The following C8orf89 variants were observed in gnomAD, a reference collection of about 807,000 sequenced individuals.
C8orf89 encodes putative uncharacterized protein C8orf89.
In C8orf89, 14 loss-of-function variants were observed where a neutral mutation model predicts 15.8. That is an observed-to-expected ratio of 0.89 (90% confidence interval 0.59 to 1.39). C8orf89 has a LOEUF of 1.39. Ranked by LOEUF, C8orf89 falls within the 40% of genes most tolerant of loss-of-function variation. The probability of loss-of-function intolerance (pLI) is 0.00; values close to 1 mark genes in which losing one functional copy is unlikely to be tolerated. For synonymous variants in C8orf89, 55 were observed against 62.2 expected, an observed-to-expected ratio of 0.88 and a Z score of 0.54; for missense variants, 181 against 184.5, an observed-to-expected ratio of 0.98 and a Z score of 0.11.
intron 1 of C8orf89, among the ~76,000 whole-genome samples, chr8:73,258,100 G>C (rs1035201776): frequency 1.3e-5 from 2 of 152,148 alleles, no homozygotes; most frequent in Non-Finnish European, 2.9e-5. Flanking sequence ...TCATTGAGTA[G>C]TTTGCATTTT....
At chr8:73,243,467 C>T (rs116338388) in intron 3 of C8orf89, among the ~76,000 whole-genome samples, 36 of 152,104 alleles carry the variant, frequency 2.4e-4, no homozygotes, top group African/African-American at 8.4e-4. Flanking sequence ...TAAAAAAACA[C>T]GACTAGTTTT....
chr8:73,248,191 T>C (rs1200025671), intron 3 of C8orf89, among the ~76,000 whole-genome samples: 1 of 152,216 alleles, frequency 6.6e-6, no homozygotes, highest in East Asian at 1.9e-4. Flanking sequence ...ATTTATTGAA[T>C]AGGGAGAACT....
chr8:73,273,100 G>T, the C8orf89 span, among the ~76,000 whole-genome samples: 6 of 152,178 alleles, frequency 3.9e-5, no homozygotes, highest in East Asian at 1.2e-3. Context: ...GCCTGGAGTG[G>T]TCATTGCCAT....
At chr8:73,250,450 C>T in intron 2 of C8orf89, 127 bp from the exon 3 acceptor site, 2 of 602,044 alleles carry the variant, frequency 3.3e-6, no homozygotes, top group South Asian at 4.9e-5. Flanking sequence ...TCCATTATAA[C>T]TCATTCCATC....
Position 73,250,268 on chromosome 8 carries a change from C to A in C8orf89, c.337G>T (p.Gly113Cys). 2 of 1,531,962 alleles carry A rather than the reference C, an allele frequency of 1.3e-6. No individual in the cohort carries two copies. The highest frequency in any genetic ancestry group is 2.4e-5 in the South Asian group (2 of 83,552). The allele number at this position is 1,531,962 out of a possible 1,614,324, so 94.9% of individuals were successfully genotyped here. A position where few individuals can be genotyped will look rare whatever the true frequency, so the allele number is the denominator to read the frequency against. Residue 113 changes from glycine to cysteine, a missense_variant and splice_region_variant, in exon 3 of 4, where the codon GGT becomes TGT. By Grantham distance (159) the Gly-to-Cys change is radical. Transcript: ENST00000624510. ...SVAPLWEKSK[G>C]SGFSDPLTGA... The stretch of plus-strand genomic sequence containing the variant: ...TAGAAAAAAGGACGAGTCAGCTTAC[C>A]TTTTGATTTCTCCCAAAGTGGTGCC...
At chr8:73,252,607 G>C (rs190611319) in intron 2 of C8orf89, among the ~76,000 whole-genome samples, 42 of 151,952 alleles carry the variant, frequency 2.8e-4, no homozygotes, top group Non-Finnish European at 5.1e-4. Flanking sequence ...ACCTGTTCCA[G>C]CTCTCTATTT....
chr8:73,283,465 T>C, the C8orf89 span, among the ~76,000 whole-genome samples: 1 of 152,102 alleles, frequency 6.6e-6, no homozygotes, highest in Admixed American at 6.5e-5. Context: ...ATGAAGAAAA[T>C]AATTCTGCCT....
intron 3 of C8orf89, among the ~76,000 whole-genome samples, chr8:73,245,777 A>C (rs1364240013): frequency 2.6e-5 from 4 of 152,192 alleles, no homozygotes; most frequent in Non-Finnish European, 5.9e-5. Flanking sequence ...AACTGATTGA[A>C]AAATTAGAAT....
the C8orf89 span, among the ~76,000 whole-genome samples, chr8:73,268,144 C>A: frequency 0.71 from 107,950 of 152,084 alleles, 38,757 homozygotes; most frequent in African/African-American, 0.8. Context: ...GTCAATCATC[C>A]GTATAGGGGG....
chr8:73,257,243 C>T (rs967250503), intron 1 of C8orf89, 117 bp from the exon 2 acceptor site: 1 of 642,776 alleles, frequency 1.6e-6, no homozygotes, highest in African/African-American at 1.9e-5. Flanking sequence ...AATTAAGCAA[C>T]TGTAATTTAG....
intron 2 of C8orf89, 35 bp downstream of exon 2, chr8:73,256,938 A>G: frequency 6.7e-7 from 1 of 1,493,436 alleles, no homozygotes; most frequent in Non-Finnish European, 8.9e-7. Context: ...ACAAATACAC[A>G]TTCAACAAAT....
chr8:73,249,770 G>C (rs578120387), intron 3 of C8orf89, among the ~76,000 whole-genome samples: 166 of 152,226 alleles, frequency 1.1e-3, no homozygotes, highest in African/African-American at 3.9e-3. Context: ...TTGGTATATA[G>C]ATAAGTTTCT....
intron 3 of C8orf89, among the ~76,000 whole-genome samples, chr8:73,247,887 G>A (rs187528789): frequency 6.6e-6 from 1 of 152,162 alleles, no homozygotes; most frequent in East Asian, 1.9e-4. Flanking sequence ...CCATTCTGTA[G>A]GTTGTCTGTT....
chr8:73,285,865 T>C, the C8orf89 span, among the ~76,000 whole-genome samples: 2 of 152,160 alleles, frequency 1.3e-5, no homozygotes, highest in East Asian at 1.9e-4. Flanking sequence ...GGGGTGAGCA[T>C]GCCCCGCAGC....
intron 2 of C8orf89, among the ~76,000 whole-genome samples, chr8:73,251,571 A>C (rs1813249578): frequency 6.6e-6 from 1 of 152,236 alleles, no homozygotes; most frequent in Non-Finnish European, 1.5e-5. Context: ...AAATATAGTC[A>C]ATTATCCTTC....
At chr8:73,257,548 T>C (rs1229202811) in intron 1 of C8orf89, among the ~76,000 whole-genome samples, 1 of 152,224 alleles carries the variant, frequency 6.6e-6, no homozygotes, top group Admixed American at 6.5e-5. Context: ...ATGATCATCT[T>C]AGCTAGCAAT....
At chr8:73,283,814 CA>C in the C8orf89 span, among the ~76,000 whole-genome samples, 1 of 151,960 alleles carries the variant, frequency 6.6e-6, no homozygotes, top group Non-Finnish European at 1.5e-5. Context: ...CCAAGGCAGG[CA>C]CATCACCTGA....
chr8:73,273,663 T>C, the C8orf89 span, among the ~76,000 whole-genome samples: 30 of 151,576 alleles, frequency 2.0e-4, no homozygotes, highest in Middle Eastern at 6.9e-3. Flanking sequence ...CAGTGAAGCC[T>C]GAAGCCTGGG....
Position 73,256,937 on chromosome 8 carries a change from C to T in C8orf89, c.281+36G>A, listed in dbSNP as rs1370370476. The T allele has an allele frequency of 3.4e-6, 5 of 1,478,878 alleles. No homozygotes were observed. The East Asian group carries it at 7.6e-5, about 23-fold the overall frequency. 91.6% of individuals were successfully genotyped at this position (1,478,878 alleles called of 1,614,324 possible). ...ATTCAGCAGTATTACTACAAATACA[C>T]ATTCAACAAATGAGAATTAAATAGC... On this transcript the variant is annotated intron_variant, in intron 2 of 3. Transcript: ENST00000624510.
Sources: gnomAD v4.1 joint callset for allele counts (sites outside exome capture counted in the v4.1 genomes callset) on GRCh38, gnomAD v4.1.1 for gene constraint, MANE v1.5 for transcripts, NCBI Gene and HGNC (gene_info 2026-07-23, HGNC 2026-07-21) for gene names.